ZNRF2: variants seen among roughly 807,000 people sequenced by gnomAD.
ZNRF2 encodes the protein E3 ubiquitin-protein ligase ZNRF2.
Under a neutral mutation model 20.4 loss-of-function variants are expected in ZNRF2, and 16 were observed. The ratio of observed to expected loss-of-function variants is 0.79; its 90% CI spans 0.53 to 1.19. ZNRF2 has a LOEUF of 1.19. ZNRF2 is among the 50% of genes most tolerant of loss of function. The pLI is 0.00. For missense variants in ZNRF2, 363 were observed against 332.4 expected (o/e 1.09, Z -0.72); for synonymous variants, 178 against 144.9 (o/e 1.23, Z -1.64).
chr7:30,303,937 A>C (rs1799157616), intron 1 of ZNRF2, among the ~76,000 whole-genome samples: 1 of 152,116 alleles, frequency 6.6e-6, no homozygotes, highest in African/African-American at 2.4e-5. Flanking sequence ...CAGGAACTCT[A>C]TTTGTGGTTC....
At chr7:30,300,824 A>C (rs1408761187) in intron 1 of ZNRF2, among the ~76,000 whole-genome samples, 1 of 152,242 alleles carries the variant, frequency 6.6e-6, no homozygotes, top group East Asian at 1.9e-4. Context: ...GAATCTTTAA[A>C]TATTAGGTAG....
At chr7:30,359,138 G>C (rs755976377) in intron 3 of ZNRF2, among the ~76,000 whole-genome samples, 1 of 152,106 alleles carries the variant, frequency 6.6e-6, no homozygotes, top group Non-Finnish European at 1.5e-5. Context: ...TCAATTCCAG[G>C]TTGACTAAAT....
At chr7:30,301,210 C>T (rs1799107903) in intron 1 of ZNRF2, among the ~76,000 whole-genome samples, 1 of 152,122 alleles carries the variant, frequency 6.6e-6, no homozygotes, top group African/African-American at 2.4e-5. Context: ...GGGCCAGGTG[C>T]CGTGGCTCAA....
intron 1 of ZNRF2, 31 bp downstream of exon 1, chr7:30,285,857 G>T (rs113790207): frequency 3.5e-6 from 5 of 1,436,150 alleles, no homozygotes; most frequent in African/African-American, 3.0e-5. Context: ...ACCCGCGCTC[G>T]GTCCTCCCGC....
intron 2 of ZNRF2, among the ~76,000 whole-genome samples, chr7:30,340,229 T>C (rs971655846): frequency 8.5e-5 from 13 of 152,180 alleles, no homozygotes; most frequent in Admixed American, 6.5e-5. Flanking sequence ...CCTGTTTGAA[T>C]ACCCTTTATT....
chr7:30,355,951 C>T, intron 3 of ZNRF2, 118 bp downstream of exon 3: 1 of 613,604 alleles, frequency 1.6e-6, no homozygotes, highest in Non-Finnish European at 2.8e-6. Context: ...ACACACACTT[C>T]TTAAAACTTA....
chr7:30,294,822 A>T (rs1562603505), intron 1 of ZNRF2, among the ~76,000 whole-genome samples: 1 of 152,020 alleles, frequency 6.6e-6, no homozygotes, highest in Non-Finnish European at 1.5e-5. Context: ...AGAGAATCTT[A>T]AGCCTTTCAG....
At chr7:30,346,496 T>C (rs1027556817) in intron 2 of ZNRF2, among the ~76,000 whole-genome samples, 5 of 152,110 alleles carry the variant, frequency 3.3e-5, no homozygotes, top group Admixed American at 6.5e-5. Context: ...GCCAAAGTTA[T>C]TCTACTTTTT....
chr7:30,303,711 T>C (rs1799155107), intron 1 of ZNRF2, among the ~76,000 whole-genome samples: 1 of 152,194 alleles, frequency 6.6e-6, no homozygotes, highest in Admixed American at 6.5e-5. Flanking sequence ...AGCATTATAG[T>C]TGGTCCCAGA....
chr7:30,317,574 T>A (rs1799396748), intron 1 of ZNRF2, among the ~76,000 whole-genome samples: 1 of 152,284 alleles, frequency 6.6e-6, no homozygotes, highest in African/African-American at 2.4e-5. Context: ...CAACACCAAA[T>A]TTGTATTAGG....
chr7:30,352,409 A>G (rs1346484728), intron 2 of ZNRF2, among the ~76,000 whole-genome samples: 1 of 151,974 alleles, frequency 6.6e-6, no homozygotes, highest in Non-Finnish European at 1.5e-5. Context: ...AATCGTAATC[A>G]TTGCTCTTTT....
chr7:30,341,982 CT>C (rs1265788895), intron 2 of ZNRF2, among the ~76,000 whole-genome samples: 1 of 150,646 alleles, frequency 6.6e-6, no homozygotes, highest in Non-Finnish European at 1.5e-5. Flanking sequence ...TAATGCGCTT[CT>C]TTGTCTTTTT....
At position 30,285,725 on chromosome 7, in the gene ZNRF2, A is replaced by ACGGCGG; in HGVS notation, c.376_381dup (p.Gly126_Gly127dup). 6.8e-7 allele frequency: 1 copy of ACGGCGG among 1,472,360 alleles called. No individual in the cohort carries two copies. Among genetic ancestry groups the ACGGCGG allele is most frequent in the Non-Finnish European group, 8.9e-7 (1 of 1,119,400 alleles). 91.2% of individuals were successfully genotyped at this position (1,472,360 alleles called of 1,614,324 possible). A position where few individuals can be genotyped will look rare whatever the true frequency, so the allele number is the denominator to read the frequency against. On this transcript the variant is annotated inframe_insertion, in exon 1 of 5. Transcript: ENST00000323037. ...GACTCGGTGCACAGCAGCCCTGAGG[A>ACGGCGG]CGGCGGCGGCGGCCGGGACCGGCCG...
intron 1 of ZNRF2, among the ~76,000 whole-genome samples, chr7:30,294,097 G>T (rs1227437174): frequency 6.6e-6 from 1 of 152,130 alleles, no homozygotes; most frequent in Non-Finnish European, 1.5e-5. Context: ...CAGAGAGCCA[G>T]TGCTCAGTTT....
rs747523201 is a variant in ZNRF2 at position 30,303,263 on chromosome 7, CAAA to C, written c.469+17449_469+17451del. Among the ~76,000 whole-genome samples, 11 of 107,054 alleles carry C rather than the reference CAAA, an allele frequency of 1.0e-4. No homozygotes were observed. In the South Asian group the frequency reaches 1.2e-3, roughly 12 times the overall value. The allele number at this position is 107,054 out of a possible 152,430, so 70.2% of individuals were successfully genotyped here. ...GGGCGATGGAAATGAGATCCTGTCT[CAAA>C]AAAAAAAAAAAGAAAAAGAAAAAGA... On this transcript the variant is annotated intron_variant, in intron 1 of 4. Coordinates refer to ENST00000323037, the MANE Select transcript of ZNRF2 (RefSeq NM_147128.4).
chr7:30,285,820 T>A lies in ZNRF2; in HGVS notation c.463T>A (p.Phe155Ile). 1 of 1,516,222 alleles carries A rather than the reference T, an allele frequency of 6.6e-7. No homozygotes were observed. The highest frequency in any genetic ancestry group is 1.3e-5 in the South Asian group (1 of 78,930). The allele number at this position is 1,516,222 out of a possible 1,614,324, so 93.9% of individuals were successfully genotyped here. A position where few individuals can be genotyped will look rare whatever the true frequency, so the allele number is the denominator to read the frequency against. Residue 155 changes from phenylalanine to isoleucine, a missense_variant, in exon 1 of 5, where the codon TTT (phenylalanine) becomes ATT (isoleucine). Physicochemically the swap from Phe to Ile is conservative, Grantham distance 21. Coordinates refer to ENST00000323037, the MANE Select transcript of ZNRF2 (RefSeq NM_147128.4). ...SLPAHLSPHM[F>I]GGFKCPVCSK... Reference sequence around the variant, plus strand: ...ACCAGCTCACCTCTCGCCGCACATGTTTGGAGGTACGGACCCCTCTCCGCG... The same window carrying A: ...ACCAGCTCACCTCTCGCCGCACATGATTGGAGGTACGGACCCCTCTCCGCG...
rs1221783731 is a variant in ZNRF2, at chr7:30,362,889, G to A, written c.*22+433G>A. Among the ~76,000 whole-genome samples the A allele has an allele frequency of 6.6e-5, 10 of 152,308 alleles. No homozygotes were observed. The East Asian group carries it at 1.2e-3, about 18-fold the overall frequency. On this transcript the variant is annotated intron_variant, in intron 4 of 4. Transcript: ENST00000323037. ...TCCCAGCACTTTGGGAAGCCGAGGC[G>A]GGCGGGTCACGAGGTCAGGAGATTG...
At chr7:30,333,720 C>G (rs1799673949) in intron 2 of ZNRF2, among the ~76,000 whole-genome samples, 1 of 152,124 alleles carries the variant, frequency 6.6e-6, no homozygotes, top group African/African-American at 2.4e-5. Context: ...GGTGGTATCT[C>G]ATTGTGGTTT....
At chr7:30,330,604 A>G (rs567938504) in intron 2 of ZNRF2, among the ~76,000 whole-genome samples, 1 of 152,264 alleles carries the variant, frequency 6.6e-6, no homozygotes, top group African/African-American at 2.4e-5. Flanking sequence ...CACTGTAGAT[A>G]TAATCTGGTC....
Sources: gnomAD v4.1 joint callset for allele counts (sites outside exome capture counted in the v4.1 genomes callset) on GRCh38, gnomAD v4.1.1 for gene constraint, MANE v1.5 for transcripts, NCBI Gene and HGNC (gene_info 2026-07-23, HGNC 2026-07-21) for gene names.